The following CNTN1 variants were observed in gnomAD, a reference collection of about 807,000 sequenced individuals.
The protein encoded by CNTN1 is contactin-1.
In CNTN1, 38 loss-of-function variants were observed where a neutral mutation model predicts 126.4. The observed-to-expected ratio is 0.30, with a 90% CI of 0.23 to 0.39. The LOEUF (loss-of-function observed/expected upper bound fraction) is 0.39. Among genes scored for constraint, CNTN1 ranks in the 10% least tolerant of loss-of-function variants. The pLI is 1.00. For missense variants in CNTN1, 1,009 were observed against 1,248.4 expected, an observed-to-expected ratio of 0.81 and a Z score of 2.89; for synonymous variants, 413 against 422.6, an observed-to-expected ratio of 0.98 and a Z score of 0.28.
chr12:40,711,871 G>C (rs1941922213), intron 1 of CNTN1, among the ~76,000 whole-genome samples: 1 of 151,936 alleles, frequency 6.6e-6, no homozygotes, highest in South Asian at 2.1e-4. Flanking sequence ...TGCCATTATG[G>C]CTAGCCTGTT....
intron 23 of CNTN1, among the ~76,000 whole-genome samples, chr12:41,060,795 C>T (rs1363067052): frequency 6.6e-6 from 1 of 152,132 alleles, no homozygotes; most frequent in African/African-American, 2.4e-5. Flanking sequence ...TCTATGTATT[C>T]TATAGAACAG....
chr12:40,919,329 ATATG>A (rs1565947445), intron 4 of CNTN1, among the ~76,000 whole-genome samples: 1 of 152,174 alleles, frequency 6.6e-6, no homozygotes, highest in Non-Finnish European at 1.5e-5. Context: ...TCTGGGTTAC[ATATG>A]TATGCTATCT....
intron 15 of CNTN1, among the ~76,000 whole-genome samples, chr12:40,964,756 A>G (rs929795710): frequency 1.3e-5 from 2 of 152,146 alleles, no homozygotes; most frequent in African/African-American, 4.8e-5. Flanking sequence ...GGATAAGTTA[A>G]AGTAACACGG....
intron 1 of CNTN1, among the ~76,000 whole-genome samples, chr12:40,789,906 T>C (rs1940156956): frequency 6.6e-6 from 1 of 152,142 alleles, no homozygotes; most frequent in Non-Finnish European, 1.5e-5. Flanking sequence ...GAAAATATGA[T>C]GGGAACACGT....
At chr12:40,805,380 T>A (rs1940811401) in intron 1 of CNTN1, among the ~76,000 whole-genome samples, 1 of 152,056 alleles carries the variant, frequency 6.6e-6, no homozygotes, top group African/African-American at 2.4e-5. Context: ...TGTGTCAATT[T>A]GGGTGATTTC....
At chr12:41,013,231 T>G (rs1487385405) in intron 17 of CNTN1, among the ~76,000 whole-genome samples, 14 of 152,126 alleles carry the variant, frequency 9.2e-5, no homozygotes, top group Admixed American at 9.2e-4. Flanking sequence ...TGACATCTTG[T>G]CTGCTTCTTA....
intron 1 of CNTN1, among the ~76,000 whole-genome samples, chr12:40,895,367 A>G (rs982277108): frequency 6.6e-6 from 1 of 152,206 alleles, no homozygotes; most frequent in Non-Finnish European, 1.5e-5. Flanking sequence ...TAGGTAAGTT[A>G]TAAAGACAAG....
At chr12:41,018,857 G>A (rs146742800) in intron 19 of CNTN1, among the ~76,000 whole-genome samples, 2,349 of 152,098 alleles carry the variant, frequency 0.015, 19 homozygotes, top group Non-Finnish European at 0.022. Context: ...TGCTCATTCA[G>A]CAGAAATATG....
At position 40,698,228 on chromosome 12, in the gene CNTN1, A is replaced by ATTTTTTTTTTTT. The variant is rs35570862; in HGVS notation, c.-77+5653_-77+5664dup. 1.7e-3 allele frequency among the ~76,000 whole-genome samples: 116 copies of ATTTTTTTTTTTT among 69,862 alleles called. 3 individuals carry two copies. Among genetic ancestry groups the ATTTTTTTTTTTT allele is most frequent in the African/African-American group, 6.4e-3 (110 of 17,224 alleles). The allele number at this position is 69,862 out of a possible 152,430, so 45.8% of individuals were successfully genotyped here. On this transcript the variant is annotated intron_variant, in intron 1 of 23. Transcript: ENST00000551295. Reference sequence around the variant, plus strand: ...AGCGTGCTTTGAGGCCAGCCACTTAATTTTTTTTTTTTTTTTTTTTTTTTT... The same window carrying ATTTTTTTTTTTT: ...AGCGTGCTTTGAGGCCAGCCACTTAATTTTTTTTTTTTTTTTTTTTTTTTTTTTTTTTTTTTT...
At chr12:40,905,465 C>T (rs1273408904) in intron 1 of CNTN1, among the ~76,000 whole-genome samples, 2 of 152,170 alleles carry the variant, frequency 1.3e-5, no homozygotes, top group African/African-American at 2.4e-5. Flanking sequence ...AATAGCAACA[C>T]TGCAGTAGCA....
At chr12:40,986,745 C>T (rs755783019) in intron 16 of CNTN1, among the ~76,000 whole-genome samples, 5 of 152,102 alleles carry the variant, frequency 3.3e-5, no homozygotes, top group Non-Finnish European at 7.4e-5. Context: ...GTATCGGTGC[C>T]GCAGAGGGAA....
chr12:40,919,434 G>A (rs1056915799), intron 4 of CNTN1, among the ~76,000 whole-genome samples: 1 of 152,172 alleles, frequency 6.6e-6, no homozygotes, highest in African/African-American at 2.4e-5. Flanking sequence ...TGCAAAGAAT[G>A]AGATGCAAAA....
intron 23 of CNTN1, among the ~76,000 whole-genome samples, chr12:41,039,085 T>C (rs1244600783): frequency 6.6e-6 from 1 of 152,134 alleles, no homozygotes; most frequent in Non-Finnish European, 1.5e-5. Flanking sequence ...GTTTTATAGG[T>C]CCTGATTAAG....
At chr12:40,847,411 C>T (rs1164104017) in intron 1 of CNTN1, among the ~76,000 whole-genome samples, 2 of 151,896 alleles carry the variant, frequency 1.3e-5, no homozygotes, top group Non-Finnish European at 2.9e-5. Flanking sequence ...TTATATTTTT[C>T]CACAAACTTT....
chr12:40,897,315 G>A (rs1295238187), intron 1 of CNTN1, among the ~76,000 whole-genome samples: 4 of 152,104 alleles, frequency 2.6e-5, no homozygotes, highest in Non-Finnish European at 5.9e-5. Context: ...GGATCAAAAG[G>A]TAGATCCATC....
intron 1 of CNTN1, among the ~76,000 whole-genome samples, chr12:40,760,594 C>A (rs6581941): frequency 0.48 from 73,029 of 151,884 alleles, 18,721 homozygotes; most frequent in East Asian, 0.65. Context: ...ACTGGATACA[C>A]ATTTGGATCT....
Position 41,071,624 on chromosome 12 carries a change from T to C in CNTN1, c.*1589T>C, listed in dbSNP as rs891594120. On this transcript the variant is annotated 3_prime_UTR_variant, in exon 24 of 24. Transcript: ENST00000551295. ...GTTTAGAGTCTTCATTATGAAAATA[T>C]CAATAAATATTTCATTAGTTTACAT... 6.6e-6 allele frequency: 1 copy of C among 152,176 alleles called. No individual in the cohort carries two copies. The highest frequency in any genetic ancestry group is 1.5e-5 in the Non-Finnish European group (1 of 68,022). 9.4% of individuals were successfully genotyped at this position (152,176 alleles called of 1,614,324 possible).
intron 16 of CNTN1, among the ~76,000 whole-genome samples, chr12:40,992,231 T>C (rs1324775087): frequency 6.6e-6 from 1 of 152,174 alleles, no homozygotes; most frequent in Non-Finnish European, 1.5e-5. Context: ...CGAGAATTTG[T>C]CCAAAAGTAG....
chr12:40,901,549 T>C (rs1358355677), intron 1 of CNTN1, among the ~76,000 whole-genome samples: 1 of 152,242 alleles, frequency 6.6e-6, no homozygotes, highest in Non-Finnish European at 1.5e-5. Flanking sequence ...GTTGGAATGT[T>C]TGATACTCTG....
Sources: allele counts gnomAD v4.1 joint callset (sites outside exome capture counted in the v4.1 genomes callset), GRCh38; gene constraint gnomAD v4.1.1; transcripts MANE v1.5; gene names NCBI Gene and HGNC (gene_info 2026-07-23, HGNC 2026-07-21).